The following ADGRL2 variants were observed in gnomAD, a reference collection of about 807,000 sequenced individuals.
The protein encoded by ADGRL2 is adhesion G protein-coupled receptor L2.
A neutral mutation model predicts 157.4 loss-of-function variants in ADGRL2; 44 were observed. The ratio of observed to expected loss-of-function variants is 0.28; its 90% CI spans 0.22 to 0.36. The LOEUF is 0.36. Ranked by LOEUF, ADGRL2 falls within the 10% of genes least tolerant of loss-of-function variation. The pLI, the probability that ADGRL2 is intolerant of heterozygous loss-of-function variation, is 1.00. For missense variants in ADGRL2, 1,510 were observed against 1,768.9 expected, an observed-to-expected ratio of 0.85 and a Z score of 2.63; for synonymous variants, 585 against 624.7, an observed-to-expected ratio of 0.94 and a Z score of 0.95.
intron 1 of ADGRL2, among the ~76,000 whole-genome samples, chr1:81,707,856 A>T (rs1031261744): frequency 7.2e-5 from 11 of 152,146 alleles, no homozygotes; most frequent in African/African-American, 2.2e-4. Flanking sequence ...TGTGATATCT[A>T]GCTTGCTGGA....
rs191824025 is a variant in ADGRL2 at position 81,724,681 on chromosome 1, A to G, written c.-143+24873A>G. The stretch of plus-strand genomic sequence containing the variant: ...GTTTCAATTTAAAGTGCTAGTGCTT[A>G]AAAACATTTTCATGGGATAAGACCT... On this transcript the variant is annotated intron_variant, in intron 1 of 20. Coordinates refer to the ADGRL2 transcript ENST00000359929. 3.3e-5 allele frequency among the ~76,000 whole-genome samples: 5 copies of G among 152,352 alleles called. No homozygotes were observed. The East Asian group carries it at 9.6e-4, about 29-fold the overall frequency.
Position 81,335,279 on chromosome 1 carries a change from T to C in ADGRL2, c.-302+28770T>C, listed in dbSNP as rs557743605. Among the ~76,000 whole-genome samples, 21 of 152,320 alleles carry C rather than the reference T, an allele frequency of 1.4e-4. No individual in the cohort carries two copies. In the South Asian group the frequency reaches 4.3e-3, roughly 32 times the overall value. On this transcript the variant is annotated intron_variant, in intron 1 of 24. Transcript: ENST00000370721. Reference sequence around the variant, plus strand: ...CACACATACACACAAAAATATCCTGTTGAATATCATTACACCATTTTACAG... The same window carrying C: ...CACACATACACACAAAAATATCCTGCTGAATATCATTACACCATTTTACAG...
chr1:81,390,814 C>G (rs374469184), intron 1 of ADGRL2, among the ~76,000 whole-genome samples: 2 of 152,304 alleles, frequency 1.3e-5, no homozygotes, highest in African/African-American at 2.4e-5. Flanking sequence ...TTTATTTAAC[C>G]AATCCACTGT....
chr1:81,498,078 C>A (rs1369540600), intron 2 of ADGRL2, among the ~76,000 whole-genome samples: 2 of 152,158 alleles, frequency 1.3e-5, no homozygotes, highest in African/African-American at 4.8e-5. Context: ...AATGTAGGAA[C>A]CCTCATTATG....
intron 1 of ADGRL2, among the ~76,000 whole-genome samples, chr1:81,702,659 A>C (rs1165360507): frequency 6.6e-6 from 1 of 152,144 alleles, no homozygotes; most frequent in Admixed American, 6.5e-5. Context: ...AAAAACAAAA[A>C]CAAATTTCCA....
chr1:81,912,988 G>GA (rs2094768608), intron 3 of ADGRL2, among the ~76,000 whole-genome samples: 1 of 152,012 alleles, frequency 6.6e-6, no homozygotes, highest in Admixed American at 6.5e-5. Flanking sequence ...ATGAGAAAGA[G>GA]AAAAAAATCT....
intron 22 of ADGRL2, chr1:81,987,382 G>A (rs1663478013): frequency 7.8e-7 from 1 of 1,289,272 alleles, no homozygotes; most frequent in Non-Finnish European, 1.1e-6. Flanking sequence ...TAATTCTAAA[G>A]CTTGCTGACA....
intron 2 of ADGRL2, among the ~76,000 whole-genome samples, chr1:81,772,199 G>A (rs941194706): frequency 3.4e-5 from 5 of 146,986 alleles, no homozygotes; most frequent in Admixed American, 2.8e-4. Flanking sequence ...GCAGTGAGCC[G>A]AGATCGTGCC....
intron 3 of ADGRL2, among the ~76,000 whole-genome samples, chr1:81,658,575 C>A (rs1146696): frequency 6.6e-6 from 1 of 151,922 alleles, no homozygotes; most frequent in African/African-American, 2.4e-5. Context: ...CCCACCTTCC[C>A]ACACTTCTGA....
chr1:81,390,926 T>A (rs1356516947), intron 1 of ADGRL2, among the ~76,000 whole-genome samples: 2 of 152,304 alleles, frequency 1.3e-5, no homozygotes, highest in Non-Finnish European at 2.9e-5. Context: ...TGAGTATATG[T>A]GGGAACTGCT....
intron 2 of ADGRL2, chr1:81,502,298 C>T: frequency 1.9e-6 from 3 of 1,613,910 alleles, no homozygotes; most frequent in Admixed American, 3.3e-5. Flanking sequence ...CACAGCAGGA[C>T]AGCTGAACTG....
At chr1:81,585,816 G>T (rs116709048) in intron 3 of ADGRL2, 3 of 151,780 alleles carry the variant, frequency 2.0e-5, no homozygotes, top group Non-Finnish European at 4.4e-5. Context: ...TTGGCCTTTA[G>T]CATTACAACT....
At chr1:81,535,878 A>G (rs539854617) in intron 2 of ADGRL2, among the ~76,000 whole-genome samples, 3 of 152,204 alleles carry the variant, frequency 2.0e-5, no homozygotes, top group African/African-American at 7.2e-5. Context: ...TGCCCAGGAA[A>G]AAAACCTAAC....
Position 81,746,259 on chromosome 1 carries a change from T to C in ADGRL2, c.-142-15552T>C, listed in dbSNP as rs1220821609. On this transcript the variant is annotated intron_variant, in intron 1 of 20. Transcript: ENST00000359929. Reference sequence around the variant, plus strand: ...TCAAGTTATAAGATGCCAAATATTATGGAGGCAATTTTAGTAAAATAAAAA... The same window carrying C: ...TCAAGTTATAAGATGCCAAATATTACGGAGGCAATTTTAGTAAAATAAAAA... Among the ~76,000 whole-genome samples, 3 of 152,182 alleles carry C rather than the reference T, an allele frequency of 2.0e-5. No individual in the cohort carries two copies. The East Asian group carries it at 5.8e-4, about 29-fold the overall frequency.
intron 3 of ADGRL2, among the ~76,000 whole-genome samples, chr1:81,598,628 A>G (rs892277401): frequency 5.3e-5 from 8 of 152,224 alleles, no homozygotes; most frequent in Non-Finnish European, 1.0e-4. Context: ...TACAAGTGCC[A>G]TAACACGTTT....
At chr1:81,373,148 G>A (rs2076189360) in intron 1 of ADGRL2, among the ~76,000 whole-genome samples, 1 of 152,094 alleles carries the variant, frequency 6.6e-6, no homozygotes, top group Non-Finnish European at 1.5e-5. Context: ...TGGCAATTCA[G>A]TCTTACCTCT....
intron 2 of ADGRL2, among the ~76,000 whole-genome samples, chr1:81,536,179 TTTG>T (rs2079732794): frequency 6.6e-6 from 1 of 152,206 alleles, no homozygotes; most frequent in Non-Finnish European, 1.5e-5. Context: ...CATCCAAACA[TTTG>T]TTGTTTCTGA....
At chr1:81,783,868 A>C (rs1401351362) in intron 2 of ADGRL2, among the ~76,000 whole-genome samples, 2 of 152,212 alleles carry the variant, frequency 1.3e-5, no homozygotes, top group Non-Finnish European at 2.9e-5. Context: ...AAGATACTAA[A>C]ATAATAGCAA....
intron 2 of ADGRL2, among the ~76,000 whole-genome samples, chr1:81,791,655 T>TA (rs201339399): frequency 1.2e-4 from 18 of 151,040 alleles, no homozygotes; most frequent in African/African-American, 2.4e-4. Flanking sequence ...ATGAGCAGGT[T>TA]AAAAAAAAAT....
Sources: gnomAD v4.1 joint callset for allele counts (sites outside exome capture counted in the v4.1 genomes callset) on GRCh38, gnomAD v4.1.1 for gene constraint, MANE v1.5 for transcripts, NCBI Gene and HGNC (gene_info 2026-07-23, HGNC 2026-07-21) for gene names.